SUCLG2: variants seen among roughly 807,000 people sequenced by gnomAD.
The protein encoded by SUCLG2 is succinate--CoA ligase [GDP-forming] subunit beta, mitochondrial.
In SUCLG2, 42 loss-of-function variants were observed where a neutral mutation model predicts 47.9. That is an observed-to-expected ratio of 0.88 (90% CI 0.69 to 1.14). The LOEUF (loss-of-function observed/expected upper bound fraction) is 1.14. Among genes scored for constraint, SUCLG2 ranks in the 50% most tolerant of loss-of-function variants. The pLI, the probability that SUCLG2 is intolerant of heterozygous loss-of-function variation, is 0.00. For missense variants in SUCLG2, 571 were observed against 525.9 expected, an observed-to-expected ratio of 1.09 and a Z score of -0.84; for synonymous variants, 195 against 197.3, an observed-to-expected ratio of 0.99 and a Z score of 0.10.
At chr3:67,454,548 T>C (rs997273978) in intron 9 of SUCLG2, among the ~76,000 whole-genome samples, 4 of 152,192 alleles carry the variant, frequency 2.6e-5, no homozygotes, top group Admixed American at 1.3e-4. Context: ...TATGTAGCTA[T>C]ACATATATAG....
At chr3:67,608,203 C>T (rs1272007228) in intron 2 of SUCLG2, among the ~76,000 whole-genome samples, 2 of 152,116 alleles carry the variant, frequency 1.3e-5, no homozygotes, top group Admixed American at 1.3e-4. Flanking sequence ...GGGTGCTCTC[C>T]CCATGTTCTA....
chr3:67,528,649 G>A (rs1468005445), intron 3 of SUCLG2, among the ~76,000 whole-genome samples: 1 of 152,148 alleles, frequency 6.6e-6, no homozygotes, highest in Non-Finnish European at 1.5e-5. Context: ...AGAGGAAAGT[G>A]TTCAGTGCTA....
chr3:67,506,715 T>A (rs1705647517), intron 7 of SUCLG2, among the ~76,000 whole-genome samples: 1 of 152,238 alleles, frequency 6.6e-6, no homozygotes, highest in Non-Finnish European at 1.5e-5. Flanking sequence ...GCAACCAGGC[T>A]GCTTGTGTAT....
chr3:67,471,506 A>G (rs1010228967), intron 9 of SUCLG2, among the ~76,000 whole-genome samples: 16 of 152,310 alleles, frequency 1.1e-4, no homozygotes, highest in Middle Eastern at 3.4e-3. Flanking sequence ...TGAAACCAGA[A>G]AACTTCATTC....
chr3:67,496,594 T>A (rs535297718), intron 8 of SUCLG2, among the ~76,000 whole-genome samples: 2 of 152,278 alleles, frequency 1.3e-5, no homozygotes, highest in South Asian at 4.2e-4. Context: ...TGTTCCTCTT[T>A]CAAATTAATA....
At chr3:67,609,725 G>T in intron 1 of SUCLG2, 129 bp from the exon 2 acceptor site, 3 of 676,462 alleles carry the variant, frequency 4.4e-6, no homozygotes, top group South Asian at 6.1e-5. Flanking sequence ...AGAAGCAAAA[G>T]AAAAAAAAAA....
chr3:67,525,816 C>A (rs1354136422), intron 4 of SUCLG2, among the ~76,000 whole-genome samples: 1 of 152,110 alleles, frequency 6.6e-6, no homozygotes, highest in Non-Finnish European at 1.5e-5. Flanking sequence ...TTTTGCCCTG[C>A]AAATGACCCT....
At chr3:67,583,144 T>C (rs1707925103) in intron 2 of SUCLG2, among the ~76,000 whole-genome samples, 1 of 151,922 alleles carries the variant, frequency 6.6e-6, no homozygotes, top group South Asian at 2.1e-4. Context: ...CCTTGGTATG[T>C]TCAATCACCA....
intron 9 of SUCLG2, among the ~76,000 whole-genome samples, chr3:67,435,867 G>C (rs1237645894): frequency 6.6e-6 from 1 of 152,082 alleles, no homozygotes; most frequent in Non-Finnish European, 1.5e-5. Context: ...ATTAAATGTA[G>C]TTAGATGTTC....
chr3:67,582,900 G>A (rs553670698), intron 2 of SUCLG2, among the ~76,000 whole-genome samples: 76 of 151,836 alleles, frequency 5.0e-4, no homozygotes, highest in African/African-American at 1.6e-3. Flanking sequence ...TACATCACAC[G>A]ATAATTCTCC....
At chr3:67,456,827 G>T (rs539501495) in intron 9 of SUCLG2, among the ~76,000 whole-genome samples, 8 of 152,250 alleles carry the variant, frequency 5.3e-5, no homozygotes, top group East Asian at 1.9e-4. Context: ...GCACATATTT[G>T]CCAGAGAGAA....
chr3:67,388,257 A>G (rs1175531013), intron 10 of SUCLG2, among the ~76,000 whole-genome samples: 1 of 152,188 alleles, frequency 6.6e-6, no homozygotes, highest in Non-Finnish European at 1.5e-5. Flanking sequence ...CCCTCTTTCC[A>G]CTATTATAGC....
intron 1 of SUCLG2, among the ~76,000 whole-genome samples, chr3:67,643,325 T>C (rs1178247643): frequency 6.6e-6 from 1 of 152,214 alleles, no homozygotes; most frequent in Non-Finnish European, 1.5e-5. Flanking sequence ...TTTATTAATC[T>C]TTTTGAAATG....
In SUCLG2 at chr3:67,392,635, C is replaced by G. The variant is rs528220887; in HGVS notation, c.1183+8096G>C. 4.6e-5 allele frequency among the ~76,000 whole-genome samples: 7 copies of G among 152,278 alleles called. No individual in the cohort carries two copies. The East Asian group carries it at 1.4e-3, about 29-fold the overall frequency. ...AGAAAACGTCCTAATACACTTTAGGCAGGGGCAGAGGGGTGCTCCTTAAGG... is the reference window on the plus strand; with the variant it reads ...AGAAAACGTCCTAATACACTTTAGGGAGGGGCAGAGGGGTGCTCCTTAAGG... On this transcript the variant is annotated intron_variant, in intron 10 of 10. Coordinates refer to ENST00000307227, the MANE Select transcript of SUCLG2 (RefSeq NM_003848.4).
intron 9 of SUCLG2, among the ~76,000 whole-genome samples, chr3:67,449,554 CTT>C (rs67128516): frequency 2.7e-5 from 4 of 147,948 alleles, no homozygotes; most frequent in African/African-American, 2.5e-5. Flanking sequence ...ATACCTCTGC[CTT>C]TTTTTTTTTT....
chr3:67,456,659 G>A (rs1295358791), intron 9 of SUCLG2, among the ~76,000 whole-genome samples: 3 of 152,148 alleles, frequency 2.0e-5, no homozygotes, highest in African/African-American at 7.2e-5. Context: ...AAATCAGTTA[G>A]AAAAGAAATT....
In SUCLG2 at chr3:67,374,978, TTAA is replaced by T. The variant is rs1559636015; in HGVS notation, c.*763_*765del. On this transcript the variant is annotated 3_prime_UTR_variant, in exon 11 of 11. Coordinates refer to ENST00000307227, the MANE Select transcript of SUCLG2 (RefSeq NM_003848.4). ...CAGTGTTGTCTCATCTTGAAATATC[TTAA>T]TAACAGAGATTTCCATAAGAATCAG... is the stretch of plus-strand genomic sequence containing the variant. The T allele has an allele frequency of 1.0e-6, 1 of 985,708 alleles. No individual in the cohort carries two copies. 61.1% of individuals were successfully genotyped at this position (985,708 alleles called of 1,614,324 possible). A position where few individuals can be genotyped will look rare whatever the true frequency, so the allele number is the denominator to read the frequency against.
At chr3:67,632,995 T>C (rs1047758966) in intron 1 of SUCLG2, among the ~76,000 whole-genome samples, 6 of 152,224 alleles carry the variant, frequency 3.9e-5, no homozygotes, top group Admixed American at 3.9e-4. Flanking sequence ...TTAGCTAACA[T>C]GTACAAAGAT....
At chr3:67,482,435 C>A (rs1704942087) in intron 9 of SUCLG2, among the ~76,000 whole-genome samples, 1 of 151,728 alleles carries the variant, frequency 6.6e-6, no homozygotes, top group African/African-American at 2.4e-5. Context: ...AGAATTTGTT[C>A]TTTCAGTATA....
Sources: allele counts gnomAD v4.1 joint callset (sites outside exome capture counted in the v4.1 genomes callset), GRCh38; gene constraint gnomAD v4.1.1; transcripts MANE v1.5; gene names NCBI Gene and HGNC (gene_info 2026-07-23, HGNC 2026-07-21).